The following MPDZ variants were observed in gnomAD, a reference collection of about 807,000 sequenced individuals.
MPDZ encodes the protein multiple PDZ domain crumbs cell polarity complex component.
MPDZ carries 234 observed loss-of-function variants against 239.1 expected under a neutral mutation model. That is an observed-to-expected ratio of 0.98 (90% CI 0.88 to 1.09). MPDZ has a LOEUF of 1.09. Ranked by LOEUF, MPDZ falls within the 50% of genes least tolerant of loss-of-function variation. MPDZ has a pLI of 0.00. For synonymous variants in MPDZ, 1,048 were observed against 881.3 expected, an observed-to-expected ratio of 1.19 and a Z score of -3.35; for missense variants, 3,175 against 2,510.0, an observed-to-expected ratio of 1.26 and a Z score of -5.66.
At chr9:13,196,086 C>T in intron 13 of MPDZ, 35 bp downstream of exon 13, 1 of 1,402,488 alleles carries the variant, frequency 7.1e-7, no homozygotes, top group Non-Finnish European at 9.9e-7. Context: ...AATACAGTTA[C>T]AAGTTAGAAA....
Position 13,150,660 on chromosome 9 carries a change from A to T in MPDZ, c.3481T>A (p.Ser1161Thr). ...RVELWREPSK[S>T]LGISIVGGRG... ...CCACCAACAATGCTGATGCCTAAGG[A>T]TTTGCTTGGTTCTCTCCAGAGTTCC... The change falls in exon 25 of 47, where the codon TCC (serine) becomes ACC (threonine). Residue 1161 changes from serine (S) to threonine (T), a missense_variant. By Grantham distance (58) the Ser-to-Thr change is moderately conservative. Coordinates refer to ENST00000319217, the MANE Select transcript of MPDZ (RefSeq NM_001378778.1). The T allele has an allele frequency of 1.4e-6, 2 of 1,444,564 alleles. No homozygotes were observed. Among genetic ancestry groups the T allele is most frequent in the Non-Finnish European group, 1.8e-6 (2 of 1,091,348 alleles). The allele number at this position is 1,444,564 out of a possible 1,614,324, so 89.5% of individuals were successfully genotyped here.
rs535708580 is a variant in MPDZ at position 13,133,639 on chromosome 9, GC to G, written c.4464+184del. On this transcript the variant is annotated intron_variant, in intron 32 of 46. Transcript: ENST00000319217. ...GGTCTAATAAAACACAAACTTCTCGGCCCAACCCTAGAGTTTCTCATTAAGC... is the reference window on the plus strand; with the variant it reads ...GGTCTAATAAAACACAAACTTCTCGGCCAACCCTAGAGTTTCTCATTAAGC... 4.2e-4 allele frequency among the ~76,000 whole-genome samples: 64 copies of G among 152,252 alleles called. 1 individual carries two copies. The highest frequency in any genetic ancestry group is 1.5e-3 in the African/African-American group (61 of 41,542).
intron 2 of MPDZ, among the ~76,000 whole-genome samples, chr9:13,248,695 C>T (rs992363590): frequency 2.6e-5 from 4 of 151,538 alleles, no homozygotes; most frequent in Non-Finnish European, 4.4e-5. Context: ...CAGTGGGGCG[C>T]GGTGGCTCAT....
chr9:13,158,574 C>T (rs560557842), intron 23 of MPDZ, among the ~76,000 whole-genome samples: 2 of 152,240 alleles, frequency 1.3e-5, no homozygotes, highest in South Asian at 2.1e-4. Flanking sequence ...AGTATCTCTG[C>T]TTCCTAAGGA....
chr9:13,216,761 A>G lies in MPDZ; in HGVS notation c.1290+13T>C. ...TGAAAATTAACAAAGCTATTGTTAA[A>G]TGTGTAACTTACTGCTATAATTTGG... On this transcript the variant is annotated intron_variant, in intron 10 of 46. Transcript: ENST00000319217. The G allele has an allele frequency of 6.4e-7, 1 of 1,572,194 alleles. No homozygotes were observed. The highest frequency in any genetic ancestry group is 1.7e-4 in the Middle Eastern group (1 of 5,972).
In MPDZ at chr9:13,176,412, A is replaced by C; in HGVS notation, c.2655T>G (p.Val885=). 1 of 1,565,958 alleles carries C rather than the reference A, an allele frequency of 6.4e-7. No homozygotes were observed. Among genetic ancestry groups the C allele is most frequent in the Non-Finnish European group, 8.7e-7 (1 of 1,154,828 alleles). Residue 885 remains valine (V), a synonymous_variant, in exon 20 of 47, where the codon GTT becomes GTG. Coordinates refer to ENST00000319217, the MANE Select transcript of MPDZ (RefSeq NM_001378778.1). Reference sequence around the variant, plus strand: ...GTACTGGATCACAAGAATTTTCAATAACATCCTGGTAGTTAAAAAACAACA... The same window carrying C: ...GTACTGGATCACAAGAATTTTCAATCACATCCTGGTAGTTAAAAAACAACA... ...SSLPSSPPKD[V]IENSCDPVLD...
At chr9:13,242,127 G>T (rs1236951086) in intron 3 of MPDZ, among the ~76,000 whole-genome samples, 1 of 145,688 alleles carries the variant, frequency 6.9e-6, no homozygotes, top group Non-Finnish European at 1.5e-5. Flanking sequence ...TTATTTTAAA[G>T]AACAATTACT....
chr9:13,120,953 G>A (rs1319591104), intron 38 of MPDZ, among the ~76,000 whole-genome samples: 1 of 152,180 alleles, frequency 6.6e-6, no homozygotes, highest in Admixed American at 6.5e-5. Context: ...TAGATTCTGA[G>A]ATCAGATCCA....
intron 1 of MPDZ, among the ~76,000 whole-genome samples, chr9:13,255,649 T>G (rs1048426418): frequency 2.6e-5 from 4 of 152,208 alleles, no homozygotes; most frequent in African/African-American, 9.6e-5. Context: ...AGATGCCTTG[T>G]CAATGAGCAG....
In MPDZ at chr9:13,111,949, T is replaced by C. The variant is rs529492972; in HGVS notation, c.5724+75A>G. 3.3e-6 allele frequency: 5 copies of C among 1,499,984 alleles called. No homozygotes were observed. In the African/African-American group the frequency reaches 5.5e-5, roughly 17 times the overall value. 92.9% of individuals were successfully genotyped at this position (1,499,984 alleles called of 1,614,324 possible). A position where few individuals can be genotyped will look rare whatever the true frequency, so the allele number is the denominator to read the frequency against. ...ATATTTAAAACTGCCTTGCAACAGGTAGCCAGGTTCAAAGGTTTATAAAAA... is the reference window on the plus strand; with the variant it reads ...ATATTTAAAACTGCCTTGCAACAGGCAGCCAGGTTCAAAGGTTTATAAAAA... On this transcript the variant is annotated intron_variant, in intron 43 of 46. Transcript: ENST00000319217.
At chr9:13,240,486 T>A (rs1050155212) in intron 3 of MPDZ, among the ~76,000 whole-genome samples, 3 of 151,068 alleles carry the variant, frequency 2.0e-5, no homozygotes, top group African/African-American at 7.3e-5. Flanking sequence ...CTGAAGTGCA[T>A]TTCTCTTCAG....
intron 21 of MPDZ, among the ~76,000 whole-genome samples, chr9:13,171,450 G>T (rs892631809): frequency 6.6e-6 from 1 of 152,084 alleles, no homozygotes; most frequent in African/African-American, 2.4e-5. Flanking sequence ...TTTAAGGGTT[G>T]AGTAATTTCA....
In MPDZ at chr9:13,162,693, G is replaced by A. The variant is rs768453439; in HGVS notation, c.3357C>T (p.Gly1119=). 3.8e-6 allele frequency: 6 copies of A among 1,596,218 alleles called. No individual in the cohort carries two copies. The Admixed American group carries it at 1.0e-4, about 27-fold the overall frequency. ...ATTAGATTTAATGTTTCACTTACCT[G>A]CCAGTGTATGAAGAAAAAATATCCA... The part of the protein sequence containing the change: ...MALDIFSSYT[G]RDIPELPERE... The change falls in exon 23 of 47, where the codon GGC becomes GGT. Residue 1119 remains glycine, a splice_region_variant and synonymous_variant. Transcript: ENST00000319217.
Position 13,188,940 on chromosome 9 carries a change from G to T in MPDZ, c.2208C>A (p.Gly736=), listed in dbSNP as rs372818830. 2 of 1,613,262 alleles carry T rather than the reference G, an allele frequency of 1.2e-6. No homozygotes were observed. Among genetic ancestry groups the T allele is most frequent in the East Asian group, 4.5e-5 (2 of 44,804 alleles). ...TVIIIRSLVP[G]GIAEKDGRLL... ...GTCGTCCATCCTTTTCAGCAATGCC[G>T]CCAGGCACCAAAGAACGAATTATAA... The change falls in exon 17 of 47, where the codon GGC becomes GGA. Residue 736 remains glycine, a synonymous_variant. Coordinates refer to ENST00000319217, the MANE Select transcript of MPDZ (RefSeq NM_001378778.1).
rs1563931184 is a variant in MPDZ, at chr9:13,160,867, T to TATATATATAA, written c.3359+1823_3359+1824insTTATATATAT. On this transcript the variant is annotated intron_variant, in intron 23 of 46. Transcript: ENST00000319217. ...ATATATATATATATATATATATATA[T>TATATATATAA]ATAAAACAGGTACTTACATAGCTTT... Among the ~76,000 whole-genome samples the TATATATATAA allele has an allele frequency of 3.9e-5, 5 of 128,702 alleles. 1 individual carries two copies. In the South Asian group the frequency reaches 1.3e-3, roughly 32 times the overall value. The allele number at this position is 128,702 out of a possible 152,430, so 84.4% of individuals were successfully genotyped here. A position where few individuals can be genotyped will look rare whatever the true frequency, so the allele number is the denominator to read the frequency against.
chr9:13,166,047 A>C (rs562442206), intron 22 of MPDZ, among the ~76,000 whole-genome samples: 1 of 152,250 alleles, frequency 6.6e-6, no homozygotes, highest in East Asian at 1.9e-4. Flanking sequence ...ATGTAACTCA[A>C]CCACAGTCTC....
chr9:13,175,859 A>G lies in MPDZ; in HGVS notation c.2948T>C (p.Leu983Pro). The G allele has an allele frequency of 6.3e-7, 1 of 1,594,758 alleles. No individual in the cohort carries two copies. The highest frequency in any genetic ancestry group is 1.3e-5 in the African/African-American group (1 of 74,772). ...ATTACAGGCCAGGGAGCTCTGTTCA[A>G]GCAGGTACTCAGAGCCCTTTAAGAA... ...DSAGKGSEYL[L>P]EQSSLACNAE... is the part of the protein sequence containing the mutation. The change falls in exon 21 of 47, where the codon CTT (leucine) becomes CCT (proline). Residue 983 changes from leucine to proline, a missense_variant. Coordinates refer to ENST00000319217, the MANE Select transcript of MPDZ (RefSeq NM_001378778.1).
rs869272418 is a variant in MPDZ, at chr9:13,136,325, C to CTTTTTTTTTTTTTTTT, written c.4293-159_4293-144dup. 159 of 156,684 alleles carry CTTTTTTTTTTTTTTTT rather than the reference C, an allele frequency of 1.0e-3. 9 individuals are homozygous for CTTTTTTTTTTTTTTTT. The highest frequency in any genetic ancestry group is 3.2e-3 in the East Asian group (15 of 4,624). The allele number at this position is 156,684 out of a possible 1,614,324, so 9.7% of individuals were successfully genotyped here. A position where few individuals can be genotyped will look rare whatever the true frequency, so the allele number is the denominator to read the frequency against. ...ACACTTACAAATTTACAAACGTTTT[C>CTTTTTTTTTTTTTTTT]TTTTTTTTTTTTTTTTTTTTTTTTG... On this transcript the variant is annotated intron_variant, in intron 30 of 46. Transcript: ENST00000319217.
At chr9:13,114,725 C>T (rs1484514871) in intron 40 of MPDZ, among the ~76,000 whole-genome samples, 1 of 151,902 alleles carries the variant, frequency 6.6e-6, no homozygotes, top group African/African-American at 2.4e-5. Flanking sequence ...CATGGCGAAA[C>T]CCCATCTCTA....
Sources: allele counts gnomAD v4.1 joint callset (sites outside exome capture counted in the v4.1 genomes callset), GRCh38; gene constraint gnomAD v4.1.1; transcripts MANE v1.5; gene names NCBI Gene and HGNC (gene_info 2026-07-23, HGNC 2026-07-21).